The following CPEB3 variants were observed in gnomAD, a reference collection of about 807,000 sequenced individuals.
CPEB3 encodes cytoplasmic polyadenylation element-binding protein 3.
A neutral mutation model predicts 67.2 loss-of-function variants in CPEB3; 20 were observed. That is an observed-to-expected ratio of 0.30 (90% CI 0.21 to 0.43). The LOEUF is 0.43. Ranked by LOEUF, CPEB3 falls within the 20% of genes least tolerant of loss-of-function variation. The pLI, the probability that CPEB3 is intolerant of heterozygous loss-of-function variation, is 1.00. For synonymous variants in CPEB3, 376 were observed against 393.1 expected (o/e 0.96, Z 0.51); for missense variants, 746 against 968.6 (o/e 0.77, Z 3.05).
At chr10:92,178,084 C>T (rs1848303135) in intron 4 of CPEB3, among the ~76,000 whole-genome samples, 1 of 152,106 alleles carries the variant, frequency 6.6e-6, no homozygotes, top group South Asian at 2.1e-4. Context: ...TACAGCTCAA[C>T]TTCAACCTAG....
intron 6 of CPEB3, among the ~76,000 whole-genome samples, chr10:92,127,965 G>A (rs927489406): frequency 5.3e-5 from 8 of 152,112 alleles, no homozygotes; most frequent in Admixed American, 2.0e-4. Flanking sequence ...AAGCAAAAAG[G>A]TAAGTTCACA....
At chr10:92,200,875 G>T (rs1295606502) in intron 2 of CPEB3, among the ~76,000 whole-genome samples, 1 of 152,106 alleles carries the variant, frequency 6.6e-6, no homozygotes, top group African/African-American at 2.4e-5. Context: ...CAGATAAGAG[G>T]CTTAGTATAT....
chr10:92,183,316 C>T (rs1035347396), intron 3 of CPEB3, among the ~76,000 whole-genome samples: 15 of 152,104 alleles, frequency 9.9e-5, no homozygotes, highest in African/African-American at 2.4e-4. Context: ...ACGTGCCTTA[C>T]GTTTTTTCAG....
chr10:92,144,689 T>G (rs2133841819), intron 5 of CPEB3, among the ~76,000 whole-genome samples: 1 of 152,352 alleles, frequency 6.6e-6, no homozygotes, highest in Middle Eastern at 3.4e-3. Context: ...TATTTCTCTC[T>G]GATCCTCAGT....
intron 6 of CPEB3, among the ~76,000 whole-genome samples, chr10:92,133,828 G>C (rs930394867): frequency 1.3e-5 from 2 of 152,096 alleles, no homozygotes; most frequent in African/African-American, 4.8e-5. Flanking sequence ...TGATCAAGTT[G>C]GCTTCATCCC....
In CPEB3 at chr10:92,051,487, G is replaced by A. The variant is rs774079856; in HGVS notation, c.*725C>T. The A allele has an allele frequency of 6.6e-6, 1 of 152,480 alleles. No homozygotes were observed. Among genetic ancestry groups the A allele is most frequent in the Non-Finnish European group, 1.5e-5 (1 of 68,042 alleles). 9.4% of individuals were successfully genotyped at this position (152,480 alleles called of 1,614,324 possible). A position where few individuals can be genotyped will look rare whatever the true frequency, so the allele number is the denominator to read the frequency against. On this transcript the variant is annotated 3_prime_UTR_variant, in exon 10 of 10. Coordinates refer to ENST00000265997, the MANE Select transcript of CPEB3 (RefSeq NM_014912.5). ...TAATTGATATCCTAGCCTGAATAGA[G>A]TATTATGGTATTAATAATACCATTT...
chr10:92,188,320 T>TAAAAAAAAAAAAAAA (rs756970118), intron 3 of CPEB3, among the ~76,000 whole-genome samples: 4 of 36,978 alleles, frequency 1.1e-4, no homozygotes, highest in South Asian at 1.6e-3. Context: ...TAAGACATAG[T>TAAAAAAAAAAAAAAA]AAAAAAAAAA....
At chr10:92,189,835 ATTT>A (rs11295068) in intron 3 of CPEB3, among the ~76,000 whole-genome samples, 1 of 146,504 alleles carries the variant, frequency 6.8e-6, no homozygotes. Context: ...GCCTCCAGTG[ATTT>A]TTTTTTTTTC....
At chr10:92,230,659 C>T (rs1436803494) in intron 2 of CPEB3, among the ~76,000 whole-genome samples, 1 of 152,120 alleles carries the variant, frequency 6.6e-6, no homozygotes, top group Non-Finnish European at 1.5e-5. Context: ...ACAAAGAACA[C>T]TAAAGGGTGT....
chr10:92,233,750 T>C (rs910472785), intron 2 of CPEB3, among the ~76,000 whole-genome samples: 1 of 152,120 alleles, frequency 6.6e-6, no homozygotes, highest in Admixed American at 6.5e-5. Context: ...TAAGTTATAA[T>C]TACCTAGACA....
In CPEB3 at chr10:92,148,954, G is replaced by T. The variant is rs528159175; in HGVS notation, c.1223-3869C>A. On this transcript the variant is annotated intron_variant, in intron 4 of 9. Transcript: ENST00000265997. ...CTCGCTCTGTCACCCAAGCTGAAGC[G>T]CAGTGGCACAATCTTGGCTCACTGC... is the stretch of plus-strand genomic sequence containing the variant. Among the ~76,000 whole-genome samples the T allele has an allele frequency of 7.0e-4, 102 of 146,482 alleles. 3 individuals are homozygous for T. In the South Asian group the frequency reaches 8.2e-3, roughly 12 times the overall value.
At chr10:92,207,792 C>T (rs1849864322) in intron 2 of CPEB3, among the ~76,000 whole-genome samples, 1 of 152,148 alleles carries the variant, frequency 6.6e-6, no homozygotes, top group African/African-American at 2.4e-5. Flanking sequence ...ATTGCTTGAA[C>T]CCAGGAGGCA....
At chr10:92,289,738 T>TAA (rs1842730920) in intron 1 of CPEB3, among the ~76,000 whole-genome samples, 1 of 53,048 alleles carries the variant, frequency 1.9e-5, no homozygotes, top group Non-Finnish European at 3.4e-5. Flanking sequence ...AAAAAATATA[T>TAA]ATATATATAT....
chr10:92,154,629 T>C (rs1286704215), intron 4 of CPEB3, among the ~76,000 whole-genome samples: 1 of 152,228 alleles, frequency 6.6e-6, no homozygotes, highest in Admixed American at 6.5e-5. Context: ...ATCGTCCTAC[T>C]ACCAGCTTCT....
chr10:92,068,983 G>T (rs564084023), intron 9 of CPEB3, among the ~76,000 whole-genome samples: 10 of 152,292 alleles, frequency 6.6e-5, no homozygotes, highest in African/African-American at 1.9e-4. Flanking sequence ...TTCAAGCCAG[G>T]TCAGGCAGGG....
At chr10:92,123,278 T>A (rs908114108) in intron 6 of CPEB3, among the ~76,000 whole-genome samples, 3 of 152,134 alleles carry the variant, frequency 2.0e-5, no homozygotes, top group Non-Finnish European at 1.5e-5. Context: ...CACAGTCAGT[T>A]CAAACAAGCA....
intron 2 of CPEB3, among the ~76,000 whole-genome samples, chr10:92,193,108 A>G (rs1191695250): frequency 6.6e-6 from 1 of 152,084 alleles, no homozygotes; most frequent in Non-Finnish European, 1.5e-5. Context: ...GCTACTTGGG[A>G]GGCTGAGGCA....
At position 92,053,426 on chromosome 10, in the gene CPEB3, C is replaced by T. The variant is rs566337714; in HGVS notation, c.1870-987G>A. On this transcript the variant is annotated intron_variant, in intron 9 of 9. Coordinates refer to ENST00000265997, the MANE Select transcript of CPEB3 (RefSeq NM_014912.5). ...GTCGCCAGGCTGGAGTGCAGTGGTG[C>T]GATCTCGGCTCACTGCAAACTCTGC... 6.6e-5 allele frequency among the ~76,000 whole-genome samples: 10 copies of T among 151,982 alleles called. No homozygotes were observed. The South Asian group carries it at 1.0e-3, about 16-fold the overall frequency.
chr10:92,169,292 C>T (rs1375968144), intron 4 of CPEB3, among the ~76,000 whole-genome samples: 1 of 152,112 alleles, frequency 6.6e-6, no homozygotes, highest in East Asian at 1.9e-4. Context: ...ATGCCTGCCA[C>T]CATGCCCAGC....
Sources: gnomAD v4.1 joint callset for allele counts (sites outside exome capture counted in the v4.1 genomes callset) on GRCh38, gnomAD v4.1.1 for gene constraint, MANE v1.5 for transcripts, NCBI Gene and HGNC (gene_info 2026-07-23, HGNC 2026-07-21) for gene names.